EPM2A: variants seen among roughly 807,000 people sequenced by gnomAD.
The protein encoded by EPM2A is laforin.
Under a neutral mutation model 26.5 loss-of-function variants are expected in EPM2A, and 21 were observed. The observed-to-expected ratio is 0.79, with a 90% confidence interval of 0.56 to 1.14. The LOEUF is 1.14. Ranked by LOEUF, EPM2A falls within the 50% of genes most tolerant of loss-of-function variation. EPM2A has a pLI of 0.00. For missense variants in EPM2A, 458 were observed against 440.8 expected (o/e 1.04, Z -0.35); for synonymous variants, 217 against 177.6 (o/e 1.22, Z -1.76).
At chr6:145,444,311 G>A (rs1779104416) in intron 4 of EPM2A, among the ~76,000 whole-genome samples, 1 of 152,218 alleles carries the variant, frequency 6.6e-6, no homozygotes, top group African/African-American at 2.4e-5. Flanking sequence ...CAATGTAAAG[G>A]AACGTTGAAT....
intron 4 of EPM2A, among the ~76,000 whole-genome samples, chr6:145,425,455 C>A (rs1188961695): frequency 6.6e-6 from 1 of 151,938 alleles, no homozygotes; most frequent in Admixed American, 6.6e-5. Flanking sequence ...GATTACAGGC[C>A]TGAGTCACCA....
At chr6:145,725,033 A>T (rs1357601460) in intron 1 of EPM2A, among the ~76,000 whole-genome samples, 1 of 152,064 alleles carries the variant, frequency 6.6e-6, no homozygotes, top group Non-Finnish European at 1.5e-5. Flanking sequence ...GCTACAATAA[A>T]AAATAAGTCA....
intron 2 of EPM2A, among the ~76,000 whole-genome samples, chr6:145,589,382 C>T (rs1295700107): frequency 6.6e-6 from 1 of 151,784 alleles, no homozygotes; most frequent in African/African-American, 2.4e-5. Context: ...GGAATGTGCA[C>T]AAGGTATATT....
intron 4 of EPM2A, among the ~76,000 whole-genome samples, chr6:145,488,520 T>TGAGAGAGAGAGA (rs1215856544): frequency 0.021 from 2,912 of 136,114 alleles, 42 homozygotes; most frequent in East Asian, 0.079. Context: ...TGTGTGTGTG[T>TGAGAGAGAGAGA]GTGAGAGAGA....
chr6:145,730,100 T>C (rs527981534), intron 1 of EPM2A, among the ~76,000 whole-genome samples: 3 of 152,198 alleles, frequency 2.0e-5, no homozygotes, highest in South Asian at 4.1e-4. Flanking sequence ...GTTCGTTTCC[T>C]GAGGTCTCCC....
At chr6:145,437,201 G>C (rs2114697025) in intron 4 of EPM2A, among the ~76,000 whole-genome samples, 1 of 152,140 alleles carries the variant, frequency 6.6e-6, no homozygotes, top group South Asian at 2.1e-4. Context: ...TGGTTTAAAA[G>C]TGTGTGGTAC....
intron 3 of EPM2A, among the ~76,000 whole-genome samples, chr6:145,632,621 G>GA (rs1247349181): frequency 1.3e-5 from 2 of 152,168 alleles, no homozygotes; most frequent in Non-Finnish European, 2.9e-5. Context: ...GATTATAACA[G>GA]GTCTGTGACA....
In EPM2A at chr6:145,503,747, A is replaced by C. The variant is rs12203690; in HGVS notation, c.341-1172T>G. 2.3e-3 allele frequency among the ~76,000 whole-genome samples: 140 copies of C among 59,960 alleles called. 1 individual carries two copies. Among genetic ancestry groups the C allele is most frequent in the South Asian group, 4.7e-3 (5 of 1,062 alleles). 39.3% of individuals were successfully genotyped at this position (59,960 alleles called of 152,430 possible). A position where few individuals can be genotyped will look rare whatever the true frequency, so the allele number is the denominator to read the frequency against. On this transcript the variant is annotated intron_variant, in intron 2 of 3. Coordinates refer to the EPM2A transcript ENST00000450221. ...TCACAGAATTGGAAAAAACTACTTT[A>C]AAGTTCATATGGAACCAAAAAAGAG...
At chr6:145,426,139 G>A (rs906278827) in intron 4 of EPM2A, among the ~76,000 whole-genome samples, 1 of 152,168 alleles carries the variant, frequency 6.6e-6, no homozygotes, top group African/African-American at 2.4e-5. Flanking sequence ...GCATCAAGCA[G>A]CAATCTTCAC....
At chr6:145,595,328 G>A (rs959283881) in intron 2 of EPM2A, among the ~76,000 whole-genome samples, 2 of 151,490 alleles carry the variant, frequency 1.3e-5, no homozygotes, top group South Asian at 4.2e-4. Flanking sequence ...TGGCTAAAGA[G>A]GGGCATTACA....
At chr6:145,551,977 GA>G (rs941307479) in intron 2 of EPM2A, among the ~76,000 whole-genome samples, 1 of 151,346 alleles carries the variant, frequency 6.6e-6, no homozygotes, top group African/African-American at 2.4e-5. Context: ...ACCAAATAAT[GA>G]AAATTTAAAA....
At chr6:145,570,262 C>A (rs1002177527) in intron 2 of EPM2A, among the ~76,000 whole-genome samples, 2 of 152,126 alleles carry the variant, frequency 1.3e-5, no homozygotes, top group African/African-American at 2.4e-5. Context: ...ACAAGTCCAA[C>A]CCTTGTCAAC....
intron 2 of EPM2A, among the ~76,000 whole-genome samples, chr6:145,595,927 C>T (rs967033482): frequency 8.6e-5 from 13 of 151,928 alleles, no homozygotes; most frequent in African/African-American, 3.1e-4. Context: ...ATGGAAACAC[C>T]CCAGTGATGA....
At chr6:145,652,978 G>C (rs538838310) in intron 2 of EPM2A, among the ~76,000 whole-genome samples, 1 of 152,222 alleles carries the variant, frequency 6.6e-6, no homozygotes, top group South Asian at 2.1e-4. Context: ...ATCTATATCA[G>C]AACTTGATAC....
At chr6:145,439,643 G>A (rs1297221310) in intron 4 of EPM2A, among the ~76,000 whole-genome samples, 5 of 151,894 alleles carry the variant, frequency 3.3e-5, no homozygotes, top group Admixed American at 6.6e-5. Context: ...CATGTCCTTT[G>A]CCCTCTTTTT....
chr6:145,409,198 G>A (rs781743841), intron 4 of EPM2A, among the ~76,000 whole-genome samples: 3 of 152,080 alleles, frequency 2.0e-5, no homozygotes, highest in Non-Finnish European at 4.4e-5. Context: ...AATGTCACAT[G>A]TCTGTAGAGC....
intron 2 of EPM2A, among the ~76,000 whole-genome samples, chr6:145,529,486 T>C (rs182412018): frequency 9.8e-5 from 15 of 152,320 alleles, no homozygotes; most frequent in Admixed American, 7.2e-4. Context: ...TATGACTCTC[T>C]GAAGGTTCAG....
At chr6:145,473,529 T>G (rs1347195181) in intron 4 of EPM2A, among the ~76,000 whole-genome samples, 1 of 151,794 alleles carries the variant, frequency 6.6e-6, no homozygotes, top group Non-Finnish European at 1.5e-5. Flanking sequence ...CTTCCCAAAC[T>G]GAGAGAAAAA....
intron 2 of EPM2A, among the ~76,000 whole-genome samples, chr6:145,520,886 A>G (rs759416904): frequency 3.3e-5 from 5 of 152,334 alleles, no homozygotes; most frequent in East Asian, 1.9e-4. Context: ...AAGAGTTGCC[A>G]TGTTTTTAAT....
Sources: allele counts gnomAD v4.1 joint callset (sites outside exome capture counted in the v4.1 genomes callset), GRCh38; gene constraint gnomAD v4.1.1; transcripts MANE v1.5; gene names NCBI Gene and HGNC (gene_info 2026-07-23, HGNC 2026-07-21).